ASAP1: variants seen among roughly 807,000 people sequenced by gnomAD.
The protein encoded by ASAP1 is ArfGAP with SH3 domain, ankyrin repeat and PH domain 1, also known as arf-GAP with SH3 domain, ANK repeat and PH domain-containing protein 1.
ASAP1 carries 43 observed loss-of-function variants against 145.2 expected under a neutral mutation model. That is an observed-to-expected ratio of 0.30 (90% CI 0.23 to 0.38). The LOEUF (loss-of-function observed/expected upper bound fraction) is 0.38, where lower values mean the gene tolerates loss of function less well. Ranked by LOEUF, ASAP1 falls within the 10% of genes least tolerant of loss-of-function variation. The pLI is 1.00. For synonymous variants in ASAP1, 546 were observed against 515.5 expected, an observed-to-expected ratio of 1.06 and a Z score of -0.80; for missense variants, 1,018 against 1,355.3, an observed-to-expected ratio of 0.75 and a Z score of 3.91.
chr8:130,235,948 A>G (rs1015865377), intron 4 of ASAP1, among the ~76,000 whole-genome samples: 2 of 152,142 alleles, frequency 1.3e-5, no homozygotes, highest in Non-Finnish European at 2.9e-5. Context: ...TACAGATATG[A>G]GATCATTAAA....
rs761157747 is a variant in ASAP1 at position 130,358,154 on chromosome 8, G to A, written c.60-11C>T. 3.4e-5 allele frequency: 55 copies of A among 1,598,510 alleles called. No individual in the cohort carries two copies. In the East Asian group the frequency reaches 8.1e-4, roughly 24 times the overall value. On this transcript the variant is annotated splice_polypyrimidine_tract_variant and intron_variant, in intron 2 of 29. Coordinates refer to ENST00000518721, the MANE Select transcript of ASAP1 (RefSeq NM_018482.4). This position sits in a 1 kb window ranked among gnomAD's most constrained non-coding sequence, Gnocchi z 4.1. ...ATCTGGTCCGGCATCCTGCCGGGAG[G>A]GACGAGACACAAGCGGGGGCGGGGG...
At chr8:130,379,209 G>A (rs759460898) in intron 2 of ASAP1, among the ~76,000 whole-genome samples, 9 of 152,134 alleles carry the variant, frequency 5.9e-5, no homozygotes, top group Admixed American at 2.0e-4. Context: ...AAGGTGGCAC[G>A]TCCCGAGAGG....
At chr8:130,293,042 C>T (rs1454738075) in intron 3 of ASAP1, among the ~76,000 whole-genome samples, 1 of 152,180 alleles carries the variant, frequency 6.6e-6, no homozygotes, top group African/African-American at 2.4e-5. Flanking sequence ...GAAAATCAGC[C>T]CTAATTGGCA....
At chr8:130,365,637 G>A (rs767764580) in intron 2 of ASAP1, among the ~76,000 whole-genome samples, 2 of 152,092 alleles carry the variant, frequency 1.3e-5, no homozygotes, top group South Asian at 2.1e-4. Context: ...GAATGAGAAC[G>A]TTCCTCTTTT....
chr8:130,347,100 T>A (rs1240545806), intron 3 of ASAP1, among the ~76,000 whole-genome samples: 1 of 152,206 alleles, frequency 6.6e-6, no homozygotes, highest in African/African-American at 2.4e-5. Flanking sequence ...AACCAGAAAT[T>A]TTCCGAAGAC....
At chr8:130,263,580 C>T (rs1302245494) in intron 3 of ASAP1, among the ~76,000 whole-genome samples, 1 of 152,114 alleles carries the variant, frequency 6.6e-6, no homozygotes, top group Non-Finnish European at 1.5e-5. Flanking sequence ...TTAAATGAGC[C>T]TTTGCTCACT....
chr8:130,173,392 CA>C (rs1182764554), intron 9 of ASAP1, among the ~76,000 whole-genome samples: 3 of 152,116 alleles, frequency 2.0e-5, no homozygotes, highest in Admixed American at 2.0e-4. Context: ...CACGACCTGC[CA>C]AAACATTTCA....
At chr8:130,117,018 G>GA (rs1265364941) in intron 20 of ASAP1, 23 bp from the exon 21 acceptor site, 3 of 1,528,002 alleles carry the variant, frequency 2.0e-6, no homozygotes, top group Non-Finnish European at 2.7e-6. Context: ...ATGATGATTA[G>GA]AAAAAAATGA....
At chr8:130,126,801 G>C (rs2097575607) in intron 16 of ASAP1, among the ~76,000 whole-genome samples, 1 of 152,156 alleles carries the variant, frequency 6.6e-6, no homozygotes, top group African/African-American at 2.4e-5. Flanking sequence ...AGGTGCTTAT[G>C]GCTTCTTGTG....
intron 9 of ASAP1, among the ~76,000 whole-genome samples, chr8:130,169,717 T>C (rs1011509533): frequency 2.6e-5 from 4 of 152,264 alleles, no homozygotes; most frequent in Non-Finnish European, 5.9e-5. Flanking sequence ...CTGAACACTT[T>C]ACACAAGTGA....
intron 24 of ASAP1, among the ~76,000 whole-genome samples, chr8:130,111,385 G>T (rs562238425): frequency 5.3e-5 from 8 of 152,158 alleles, no homozygotes; most frequent in African/African-American, 1.9e-4. Flanking sequence ...ACTGTCTCTG[G>T]AAAAATGTTC....
chr8:130,350,974 T>C (rs2138047435), intron 3 of ASAP1, among the ~76,000 whole-genome samples: 1 of 152,336 alleles, frequency 6.6e-6, no homozygotes, highest in Non-Finnish European at 1.5e-5. Context: ...CAGGGTCATT[T>C]TCACATCTGC....
At chr8:130,165,353 A>C (rs531409701) in intron 11 of ASAP1, among the ~76,000 whole-genome samples, 1 of 152,226 alleles carries the variant, frequency 6.6e-6, no homozygotes, top group South Asian at 2.1e-4. Context: ...AAACAAAAAA[A>C]CCCCAAAAAA....
At chr8:130,299,377 TA>T (rs1286174053) in intron 3 of ASAP1, among the ~76,000 whole-genome samples, 1 of 152,092 alleles carries the variant, frequency 6.6e-6, no homozygotes, top group African/African-American at 2.4e-5. Flanking sequence ...ATACAAAAGG[TA>T]AAAAAGTAGG....
Position 130,278,667 on chromosome 8 carries a change from G to GA in ASAP1, c.187-41674dup, listed in dbSNP as rs544773704. 8.0e-4 allele frequency among the ~76,000 whole-genome samples: 122 copies of GA among 152,194 alleles called. 1 individual carries two copies. Among genetic ancestry groups the GA allele is most frequent in the South Asian group, 5.4e-3 (26 of 4,820 alleles). On this transcript the variant is annotated intron_variant, in intron 3 of 29. Coordinates refer to ENST00000518721, the MANE Select transcript of ASAP1 (RefSeq NM_018482.4). Reference sequence around the variant, plus strand: ...ATAAAACAGTCGAGAGACATTGGACGAAAAAAACTCTAATTAATTCCTGGG... The same window carrying GA: ...ATAAAACAGTCGAGAGACATTGGACGAAAAAAAACTCTAATTAATTCCTGGG...
chr8:130,406,249 TATTCATTC>T (rs1170769736), intron 1 of ASAP1, among the ~76,000 whole-genome samples: 1 of 134,914 alleles, frequency 7.4e-6, no homozygotes, highest in Non-Finnish European at 1.6e-5. Flanking sequence ...AAAGGACTAA[TATTCATTC>T]ATTCATTCAT....
In ASAP1 at chr8:130,323,781, T is replaced by C. The variant is rs754182185; in HGVS notation, c.186+34236A>G. Among the ~76,000 whole-genome samples, 95 of 152,270 alleles carry C rather than the reference T, an allele frequency of 6.2e-4. 2 individuals are homozygous for C. In the Middle Eastern group the frequency reaches 0.017, roughly 27 times the overall value. ...ACAATGCTAGGCACTCAGCAGATCT[T>C]TGATAAACAATAAGCATCTCCCCTC... On this transcript the variant is annotated intron_variant, in intron 3 of 29. Coordinates refer to ENST00000518721, the MANE Select transcript of ASAP1 (RefSeq NM_018482.4).
At chr8:130,134,564 C>T (rs908458731) in intron 14 of ASAP1, among the ~76,000 whole-genome samples, 1 of 152,112 alleles carries the variant, frequency 6.6e-6, no homozygotes, top group Non-Finnish European at 1.5e-5. Context: ...AAAACTGAGG[C>T]TCCAAGAGGT....
At chr8:130,277,469 C>A (rs568755042) in intron 3 of ASAP1, among the ~76,000 whole-genome samples, 2 of 152,110 alleles carry the variant, frequency 1.3e-5, no homozygotes, top group Non-Finnish European at 2.9e-5. Flanking sequence ...ATATGAATTC[C>A]ATTTTTACCA....
Sources: gnomAD v4.1 joint callset for allele counts (sites outside exome capture counted in the v4.1 genomes callset) on GRCh38, gnomAD v4.1.1 for gene constraint, Gnocchi (gnomAD v3.1) non-coding constraint, MANE v1.5 for transcripts, NCBI Gene and HGNC (gene_info 2026-07-23, HGNC 2026-07-21) for gene names.